Variants in CDH13 observed in about 807,000 individuals in gnomAD.
CDH13 encodes the protein cadherin 13.
In CDH13, 24 loss-of-function variants were observed where a neutral mutation model predicts 63.8. That is an observed-to-expected ratio of 0.38 (90% CI 0.27 to 0.53). The LOEUF (loss-of-function observed/expected upper bound fraction) is 0.53, where lower values mean the gene tolerates loss of function less well. Among genes scored for constraint, CDH13 ranks in the 20% least tolerant of loss-of-function variants. The pLI, the probability that CDH13 is intolerant of heterozygous loss-of-function variation, is 0.85. For missense variants in CDH13, 1,049 were observed against 903.1 expected, an observed-to-expected ratio of 1.16 and a Z score of -2.07; for synonymous variants, 503 against 355.3, an observed-to-expected ratio of 1.42 and a Z score of -4.67.
At chr16:83,691,827 C>G (rs1229433447) in intron 10 of CDH13, among the ~76,000 whole-genome samples, 1 of 152,138 alleles carries the variant, frequency 6.6e-6, no homozygotes, top group East Asian at 1.9e-4. Context: ...TGGCCGCTTT[C>G]TGCTATAGCT....
chr16:82,966,369 G>T (rs943158695), intron 2 of CDH13, among the ~76,000 whole-genome samples: 1 of 151,956 alleles, frequency 6.6e-6, no homozygotes, highest in South Asian at 2.1e-4. Context: ...GGATGGTCTC[G>T]ATTTCCTGAC....
chr16:83,442,342 C>T (rs1385426295), intron 6 of CDH13, among the ~76,000 whole-genome samples: 2 of 152,174 alleles, frequency 1.3e-5, no homozygotes, highest in African/African-American at 4.8e-5. Context: ...CAAGGACCTC[C>T]ACATCCTGCC....
chr16:83,185,606 A>C (rs960106649), intron 4 of CDH13, among the ~76,000 whole-genome samples: 1 of 152,208 alleles, frequency 6.6e-6, no homozygotes, highest in Non-Finnish European at 1.5e-5. Flanking sequence ...AATTTTCCCC[A>C]GTGCAGTACA....
intron 7 of CDH13, among the ~76,000 whole-genome samples, chr16:83,567,841 T>G (rs1904298170): frequency 6.6e-6 from 1 of 152,158 alleles, no homozygotes; most frequent in Non-Finnish European, 1.5e-5. Flanking sequence ...GTGATCCACC[T>G]GCCTCGGCCT....
intron 2 of CDH13, among the ~76,000 whole-genome samples, chr16:83,003,864 A>AT (rs1405394461): frequency 1.3e-5 from 2 of 152,216 alleles, no homozygotes; most frequent in African/African-American, 4.8e-5. Context: ...AAGAGCTTAC[A>AT]TATCTATGAT....
At position 82,637,428 on chromosome 16, in the gene CDH13, CT is replaced by C. The variant is rs573088098; in HGVS notation, c.45+10311del. Among the ~76,000 whole-genome samples, 166 of 81,656 alleles carry C rather than the reference CT, an allele frequency of 2.0e-3. 1 individual carries two copies. The South Asian group carries it at 0.026, about 13-fold the overall frequency. 53.6% of individuals were successfully genotyped at this position (81,656 alleles called of 152,430 possible). On this transcript the variant is annotated intron_variant, in intron 1 of 13. Coordinates refer to ENST00000567109, the MANE Select transcript of CDH13 (RefSeq NM_001257.5). ...GCTGAGGTCTGTACAGTTACTGTGC[CT>C]TTTTTTTTTTTTTTTTTTTGAGACG...
intron 5 of CDH13, among the ~76,000 whole-genome samples, chr16:83,295,377 T>A (rs1016581280): frequency 1.3e-5 from 2 of 151,972 alleles, no homozygotes; most frequent in Non-Finnish European, 2.9e-5. Context: ...AATAAAATGA[T>A]TATATCAACT....
At chr16:83,175,140 C>T (rs545020531) in intron 4 of CDH13, among the ~76,000 whole-genome samples, 74 of 151,720 alleles carry the variant, frequency 4.9e-4, no homozygotes, top group African/African-American at 1.7e-3. Context: ...ACGTTTCCAT[C>T]ATCATAGAAA....
At chr16:82,937,270 A>G (rs902837008) in intron 2 of CDH13, among the ~76,000 whole-genome samples, 1 of 152,044 alleles carries the variant, frequency 6.6e-6, no homozygotes, top group East Asian at 1.9e-4. Flanking sequence ...AACATTCACA[A>G]TCAGGTTTCC....
Position 83,797,120 on chromosome 16 carries a change from C to G in CDH13, c.*2090C>G, listed in dbSNP as rs1009196920. The G allele has an allele frequency of 3.9e-5, 6 of 152,240 alleles. No homozygotes were observed. Among genetic ancestry groups the G allele is most frequent in the African/African-American group, 1.4e-4 (6 of 41,452 alleles). 9.4% of individuals were successfully genotyped at this position (152,240 alleles called of 1,614,324 possible). On this transcript the variant is annotated 3_prime_UTR_variant, in exon 14 of 14. Transcript: ENST00000567109. Reference sequence around the variant, plus strand: ...CCCGGGCGCACCTTGCTCCCCTCTTCCTGCAAGGCAGGGGGAGAACGTTCA... The same window carrying G: ...CCCGGGCGCACCTTGCTCCCCTCTTGCTGCAAGGCAGGGGGAGAACGTTCA...
At chr16:83,604,316 C>A (rs1020715584) in intron 8 of CDH13, among the ~76,000 whole-genome samples, 3 of 152,194 alleles carry the variant, frequency 2.0e-5, no homozygotes, top group African/African-American at 4.8e-5. Flanking sequence ...ACAGACTGCT[C>A]ACTCTTGCCA....
Position 83,782,529 on chromosome 16 carries a change from A to C in CDH13, c.1916-725A>C, listed in dbSNP as rs148575669. Among the ~76,000 whole-genome samples the C allele has an allele frequency of 1.6e-3, 244 of 152,246 alleles. 10 individuals are homozygous for C. The East Asian group carries it at 0.038, about 24-fold the overall frequency. Reference sequence around the variant, plus strand: ...GGCAGGCAGATCACCTGAGGTCAGGAGTTTGAGACCAGCATGGCCAATATG... The same window carrying C: ...GGCAGGCAGATCACCTGAGGTCAGGCGTTTGAGACCAGCATGGCCAATATG... On this transcript the variant is annotated intron_variant, in intron 12 of 13. Coordinates refer to ENST00000567109, the MANE Select transcript of CDH13 (RefSeq NM_001257.5).
chr16:83,094,785 T>A (rs960752402), intron 3 of CDH13, among the ~76,000 whole-genome samples: 4 of 152,246 alleles, frequency 2.6e-5, no homozygotes, highest in African/African-American at 4.8e-5. Flanking sequence ...GTGACTTCCT[T>A]CTGACTTGTC....
intron 1 of CDH13, among the ~76,000 whole-genome samples, chr16:82,633,565 G>A (rs1331827742): frequency 6.6e-6 from 1 of 152,146 alleles, no homozygotes; most frequent in African/African-American, 2.4e-5. Flanking sequence ...TTTTAGTAGA[G>A]ACGGGGTTTC....
chr16:83,125,330 C>T, intron 3 of CDH13, 55 bp from the exon 4 acceptor site: 2 of 953,260 alleles, frequency 2.1e-6, no homozygotes, highest in South Asian at 2.8e-5. Context: ...TCGGAGCAGA[C>T]TGATACATCA....
chr16:82,900,262 G>A (rs1195730712), intron 2 of CDH13, among the ~76,000 whole-genome samples: 1 of 152,168 alleles, frequency 6.6e-6, no homozygotes, highest in African/African-American at 2.4e-5. Flanking sequence ...TTGACACTTA[G>A]AGAATGTGAA....
rs9932585 is a variant in CDH13, at chr16:82,912,874, C to T, written c.157+54401C>T. 5.4e-3 allele frequency among the ~76,000 whole-genome samples: 814 copies of T among 150,142 alleles called. 4 individuals are homozygous for T. Among genetic ancestry groups the T allele is most frequent in the African/African-American group, 0.019 (782 of 40,718 alleles). On this transcript the variant is annotated intron_variant, in intron 2 of 13. Coordinates refer to ENST00000567109, the MANE Select transcript of CDH13 (RefSeq NM_001257.5). Reference sequence around the variant, plus strand: ...AGGAGAATGGCGTGAACCCGGGAGGCGGAGCTTGCAGTGAGCCGAGATCAC... The same window carrying T: ...AGGAGAATGGCGTGAACCCGGGAGGTGGAGCTTGCAGTGAGCCGAGATCAC...
At chr16:82,834,547 C>T (rs1184074065) in intron 1 of CDH13, among the ~76,000 whole-genome samples, 1 of 147,454 alleles carries the variant, frequency 6.8e-6, no homozygotes, top group Non-Finnish European at 1.5e-5. Flanking sequence ...GCTTTGCAGC[C>T]ACCCACAGCC....
chr16:83,158,899 TCTTTA>T (rs929601907), intron 4 of CDH13, among the ~76,000 whole-genome samples: 7 of 152,328 alleles, frequency 4.6e-5, no homozygotes, highest in South Asian at 2.1e-4. Context: ...CAGCCTTCTT[TCTTTA>T]CTTTACTCAC....
Sources: allele counts gnomAD v4.1 joint callset (sites outside exome capture counted in the v4.1 genomes callset), GRCh38; gene constraint gnomAD v4.1.1; transcripts MANE v1.5; gene names NCBI Gene and HGNC (gene_info 2026-07-23, HGNC 2026-07-21).